Variants in CNTN5 observed in about 807,000 individuals in gnomAD.
CNTN5 encodes the protein contactin-5.
CNTN5 carries 77 observed loss-of-function variants against 129.1 expected under a neutral mutation model. The ratio of observed to expected loss-of-function variants is 0.60; its 90% confidence interval spans 0.50 to 0.72. The LOEUF (loss-of-function observed/expected upper bound fraction) is 0.72, where lower values mean the gene tolerates loss of function less well. CNTN5 is among the 30% of genes least tolerant of loss of function. CNTN5 has a pLI of 0.00. For missense variants in CNTN5, 1,478 were observed against 1,328.8 expected (o/e 1.11, Z -1.75); for synonymous variants, 509 against 465.6 (o/e 1.09, Z -1.20).
chr11:100,315,877 T>G (rs937572039), intron 21 of CNTN5, among the ~76,000 whole-genome samples: 1 of 152,174 alleles, frequency 6.6e-6, no homozygotes, highest in Non-Finnish European at 1.5e-5. Context: ...CTGAGATATG[T>G]GAAATGTCTA....
intron 13 of CNTN5, among the ~76,000 whole-genome samples, chr11:100,188,925 G>T (rs796666493): frequency 6.6e-6 from 1 of 152,144 alleles, no homozygotes; most frequent in African/African-American, 2.4e-5. Context: ...CTTGTCCTTT[G>T]TAACAACATG....
chr11:100,169,593 G>A (rs538832606), intron 13 of CNTN5, among the ~76,000 whole-genome samples: 2 of 151,906 alleles, frequency 1.3e-5, no homozygotes, highest in African/African-American at 4.8e-5. Context: ...TATGTGCATT[G>A]TTTCTTAGAC....
At chr11:99,232,450 C>A (rs1213102450) in intron 1 of CNTN5, among the ~76,000 whole-genome samples, 2 of 152,180 alleles carry the variant, frequency 1.3e-5, no homozygotes, top group Non-Finnish European at 2.9e-5. Flanking sequence ...TGCCTCTCTG[C>A]TTACCTGTTG....
At chr11:99,223,827 A>G (rs61893092) in intron 1 of CNTN5, among the ~76,000 whole-genome samples, 14,708 of 152,184 alleles carry the variant, frequency 0.097, 1,543 homozygotes, top group East Asian at 0.45. Flanking sequence ...TTCTGCTGCC[A>G]TGTGCAAGCT....
chr11:99,463,869 A>G (rs1944832313), intron 2 of CNTN5, among the ~76,000 whole-genome samples: 1 of 152,230 alleles, frequency 6.6e-6, no homozygotes, highest in Admixed American at 6.5e-5. Flanking sequence ...CGTCTTATAT[A>G]GTGAAATATT....
chr11:99,217,049 A>C (rs1425279570), intron 1 of CNTN5, among the ~76,000 whole-genome samples: 1 of 152,096 alleles, frequency 6.6e-6, no homozygotes, highest in Non-Finnish European at 1.5e-5. Context: ...CACGTGTGGC[A>C]TGTGCCTGTA....
chr11:99,839,138 C>T (rs1038346271), intron 4 of CNTN5, among the ~76,000 whole-genome samples: 6 of 151,880 alleles, frequency 4.0e-5, no homozygotes, highest in African/African-American at 1.5e-4. Flanking sequence ...AAAAAGGAGG[C>T]ATGAAAAGGT....
At chr11:100,181,282 TAAACTGATTGA>T (rs1200034559) in intron 13 of CNTN5, among the ~76,000 whole-genome samples, 1 of 147,408 alleles carries the variant, frequency 6.8e-6, no homozygotes, top group African/African-American at 2.5e-5. Context: ...GGCAGGAAAG[TAAACTGATTGA>T]AAAAAACCAA....
At chr11:99,894,884 G>C (rs939463610) in intron 6 of CNTN5, among the ~76,000 whole-genome samples, 1 of 152,118 alleles carries the variant, frequency 6.6e-6, no homozygotes, top group South Asian at 2.1e-4. Context: ...AAAAAACATA[G>C]GAAGACATAT....
intron 8 of CNTN5, among the ~76,000 whole-genome samples, chr11:99,990,469 C>G (rs1939004425): frequency 6.6e-6 from 1 of 151,442 alleles, no homozygotes. Flanking sequence ...CACACACACA[C>G]ACACACACAC....
chr11:99,806,602 T>G (rs1352710369), intron 3 of CNTN5, among the ~76,000 whole-genome samples: 1 of 151,090 alleles, frequency 6.6e-6, no homozygotes, highest in Non-Finnish European at 1.5e-5. Flanking sequence ...AGGTCAGGAG[T>G]TCAAGACCAG....
At chr11:99,637,358 GGAA>G (rs1951600377) in intron 3 of CNTN5, among the ~76,000 whole-genome samples, 1 of 151,886 alleles carries the variant, frequency 6.6e-6, no homozygotes, top group African/African-American at 2.4e-5. Context: ...TGATATCAAA[GGAA>G]AAAAATTAGC....
At chr11:99,581,895 T>C (rs1949613021) in intron 3 of CNTN5, among the ~76,000 whole-genome samples, 1 of 152,208 alleles carries the variant, frequency 6.6e-6, no homozygotes, top group Admixed American at 6.5e-5. Context: ...TTTTGCTCGT[T>C]AGTTGATGCA....
At chr11:100,001,998 T>C in intron 8 of CNTN5, 36 bp from the exon 9 acceptor site, 1 of 1,354,674 alleles carries the variant, frequency 7.4e-7, no homozygotes, top group Non-Finnish European at 1.0e-6. Flanking sequence ...ATTGTAACAT[T>C]CATTTGATGC....
In CNTN5 at chr11:99,479,057, C is replaced by T. The variant is rs1168341090; in HGVS notation, c.-70-77088C>T. 2.6e-5 allele frequency among the ~76,000 whole-genome samples: 4 copies of T among 151,600 alleles called. 1 individual carries two copies. The South Asian group carries it at 6.3e-4, about 24-fold the overall frequency. On this transcript the variant is annotated intron_variant, in intron 2 of 24. Coordinates refer to ENST00000524871, the MANE Select transcript of CNTN5 (RefSeq NM_014361.4). ...TCAAAATGAACACTAATGCAAATAG[C>T]ATATATTAAAATGTAAAACAATGGA...
intron 6 of CNTN5, among the ~76,000 whole-genome samples, chr11:99,883,091 A>G (rs921570019): frequency 2.0e-5 from 3 of 152,198 alleles, no homozygotes; most frequent in Non-Finnish European, 2.9e-5. Flanking sequence ...CCCGTTGTGT[A>G]TAAGTACCAC....
At chr11:99,949,007 C>A (rs1950614113) in intron 7 of CNTN5, among the ~76,000 whole-genome samples, 1 of 152,156 alleles carries the variant, frequency 6.6e-6, no homozygotes, top group African/African-American at 2.4e-5. Flanking sequence ...GCCTCACTTA[C>A]CAGTGCTGCA....
At chr11:99,671,077 G>A (rs1394578977) in intron 3 of CNTN5, among the ~76,000 whole-genome samples, 5 of 150,474 alleles carry the variant, frequency 3.3e-5, no homozygotes, top group South Asian at 2.1e-4. Flanking sequence ...GCTCTCTCTC[G>A]CTTTCTTGTG....
At chr11:99,493,271 T>C (rs1189359022) in intron 2 of CNTN5, among the ~76,000 whole-genome samples, 2 of 152,264 alleles carry the variant, frequency 1.3e-5, no homozygotes, top group Admixed American at 6.5e-5. Flanking sequence ...AATTCAAAGT[T>C]GGTTTAAGTC....
Sources: allele counts gnomAD v4.1 joint callset (sites outside exome capture counted in the v4.1 genomes callset), GRCh38; gene constraint gnomAD v4.1.1; transcripts MANE v1.5; gene names NCBI Gene and HGNC (gene_info 2026-07-23, HGNC 2026-07-21).